DNMT1: variants seen among roughly 807,000 people sequenced by gnomAD.
DNMT1 encodes the protein DNA (cytosine-5)-methyltransferase 1.
DNMT1 carries 24 observed loss-of-function variants against 205.3 expected under a neutral mutation model. That is an observed-to-expected ratio of 0.12 (90% CI 0.08 to 0.16). DNMT1 has a LOEUF of 0.16. Among genes scored for constraint, DNMT1 ranks in the 10% least tolerant of loss-of-function variants. The pLI is 1.00. For missense variants in DNMT1, 1,293 were observed against 2,177.7 expected (o/e 0.59, Z 8.09); for synonymous variants, 817 against 839.8 (o/e 0.97, Z 0.47).
At chr19:10,155,510 G>T (rs965359115) in intron 19 of DNMT1, among the ~76,000 whole-genome samples, 3 of 152,028 alleles carry the variant, frequency 2.0e-5, no homozygotes, top group African/African-American at 4.8e-5. Context: ...GCTAATTTTT[G>T]TATTTTTGGT....
intron 13 of DNMT1, among the ~76,000 whole-genome samples, chr19:10,160,731 C>G (rs531826892): frequency 6.6e-6 from 1 of 151,906 alleles, no homozygotes; most frequent in Non-Finnish European, 1.5e-5. Context: ...CACGTCTCTA[C>G]CAAAAATACA....
chr19:10,137,818 C>A lies in DNMT1; in HGVS notation c.4293+14G>T, dbSNP rs745507446. The A allele has an allele frequency of 2.5e-6, 4 of 1,611,704 alleles. No individual in the cohort carries two copies. In the Admixed American group the frequency reaches 6.7e-5, roughly 27 times the overall value. On this transcript the variant is annotated intron_variant, in intron 36 of 40. Coordinates refer to ENST00000359526, the MANE Select transcript of DNMT1 (RefSeq NM_001130823.3). This position sits in a 1 kb window ranked among gnomAD's most constrained non-coding sequence, Gnocchi z 6.4. ...GGGCCTCGAGGAGGAGCCGCTCTGTCAGGGTGCCATTACCTTACAGATGTG... is the reference window on the plus strand; with the variant it reads ...GGGCCTCGAGGAGGAGCCGCTCTGTAAGGGTGCCATTACCTTACAGATGTG...
chr19:10,175,690 T>C lies in DNMT1; in HGVS notation c.570-72A>G, dbSNP rs902458898. 4 of 1,412,810 alleles carry C rather than the reference T, an allele frequency of 2.8e-6. No homozygotes were observed. The African/African-American group carries it at 5.6e-5, about 20-fold the overall frequency. The allele number at this position is 1,412,810 out of a possible 1,614,324, so 87.5% of individuals were successfully genotyped here. A position where few individuals can be genotyped will look rare whatever the true frequency, so the allele number is the denominator to read the frequency against. On this transcript the variant is annotated intron_variant, in intron 6 of 40. Transcript: ENST00000359526. ...CCTCCAGCTGGCCTGAAGTGGACCC[T>C]CATTCACCAGGATGTTGAAAGAGGC...
At chr19:10,192,199 T>C (rs914636197) in intron 1 of DNMT1, among the ~76,000 whole-genome samples, 1 of 151,840 alleles carries the variant, frequency 6.6e-6, no homozygotes, top group African/African-American at 2.4e-5. Context: ...GGCAGGAGGA[T>C]TGCTTGAGCT....
rs1056687960 is a variant in DNMT1 at position 10,142,668 on chromosome 19, C to A, written c.3117-448G>T. Among the ~76,000 whole-genome samples the A allele has an allele frequency of 2.7e-5, 4 of 150,784 alleles. No individual in the cohort carries two copies. In the East Asian group the frequency reaches 7.8e-4, roughly 30 times the overall value. On this transcript the variant is annotated intron_variant, in intron 29 of 40. Transcript: ENST00000359526. ...GGTAAAGACCCCCCAGTTATGGAACCGCAGGGTAAAGACCTCCCCAGTTAG... is the reference window on the plus strand; with the variant it reads ...GGTAAAGACCCCCCAGTTATGGAACAGCAGGGTAAAGACCTCCCCAGTTAG...
chr19:10,173,439 C>T (rs2038866799), intron 8 of DNMT1, among the ~76,000 whole-genome samples: 4 of 151,754 alleles, frequency 2.6e-5, no homozygotes, highest in Admixed American at 2.0e-4. Flanking sequence ...AATTCAGATA[C>T]TTCATAACGA....
At chr19:10,178,648 G>A (rs2038981253) in intron 5 of DNMT1, 1 of 152,598 alleles carries the variant, frequency 6.6e-6, no homozygotes, top group Non-Finnish European at 1.5e-5. Context: ...CAGCTACTTG[G>A]GAGGCTGAGG....
Position 10,194,952 on chromosome 19 carries a change from G to A in DNMT1, c.-53C>T, listed in dbSNP as rs2039379744. 1.3e-6 allele frequency: 2 copies of A among 1,560,308 alleles called. No homozygotes were observed. Among genetic ancestry groups the A allele is most frequent in the Admixed American group, 1.9e-5 (1 of 52,546 alleles). On this transcript the variant is annotated 5_prime_UTR_variant, in exon 1 of 41. Transcript: ENST00000359526. ...GGCAGCGCAGGCGCCCCGGCTTTTC[G>A]CGCGGAAACCGATGGGGAGGGGCGA...
At chr19:10,169,656 C>T (rs1429564218) in intron 9 of DNMT1, among the ~76,000 whole-genome samples, 1 of 152,068 alleles carries the variant, frequency 6.6e-6, no homozygotes, top group African/African-American at 2.4e-5. Flanking sequence ...GTCCCAGTTA[C>T]TCGGGAGGCT....
At position 10,146,725 on chromosome 19, in the gene DNMT1, T is replaced by C. The variant is rs1356310688; in HGVS notation, c.2721-201A>G. ...TTGAGACCAAAGCCCAGAGAGAACA[T>C]AGCAAGAAAATCAGGCAACTTTTGA... is the stretch of plus-strand genomic sequence containing the variant. On this transcript the variant is annotated intron_variant, in intron 27 of 40. Transcript: ENST00000359526. The surrounding 1 kb of genome is among the most constrained non-coding windows in gnomAD (Gnocchi z 4.4). 2.0e-5 allele frequency among the ~76,000 whole-genome samples: 3 copies of C among 152,254 alleles called. No individual in the cohort carries two copies. Among genetic ancestry groups the C allele is most frequent in the African/African-American group, 7.2e-5 (3 of 41,558 alleles).
intron 1 of DNMT1, among the ~76,000 whole-genome samples, chr19:10,191,456 T>C (rs538895092): frequency 4.0e-5 from 6 of 151,372 alleles, no homozygotes; most frequent in Non-Finnish European, 7.4e-5. Flanking sequence ...AAAACTCCAA[T>C]GCCTACAGTG....
Position 10,146,111 on chromosome 19 carries a change from G to A in DNMT1, c.2894+240C>T, listed in dbSNP as rs574366294. 1.0e-3 allele frequency among the ~76,000 whole-genome samples: 154 copies of A among 152,242 alleles called. 1 individual carries two copies. The highest frequency in any genetic ancestry group is 2.6e-3 in the Admixed American group (40 of 15,280). On this transcript the variant is annotated intron_variant, in intron 28 of 40. Coordinates refer to ENST00000359526, the MANE Select transcript of DNMT1 (RefSeq NM_001130823.3). The surrounding 1 kb of genome is among the most constrained non-coding windows in gnomAD (Gnocchi z 4.4). The stretch of plus-strand genomic sequence containing the variant: ...CTCCCAAAGCGCTGGGATTACAGGC[G>A]TGAGAAACCACACCCAGCCAAACCA...
Position 10,159,732 on chromosome 19 carries a change from C to G in DNMT1, c.1206G>C (p.Leu402=), listed in dbSNP as rs147235870. 453 of 1,614,232 alleles carry G rather than the reference C, an allele frequency of 2.8e-4. 2 individuals are homozygous for G. The African/African-American group carries it at 5.6e-3, about 20-fold the overall frequency. Residue 402 remains leucine, a synonymous_variant, in exon 17 of 41, where the codon CTG becomes CTC. Transcript: ENST00000359526. This position sits in a 1 kb window ranked among gnomAD's most constrained non-coding sequence, Gnocchi z 5.0. The stretch of plus-strand genomic sequence containing the variant: ...CAGACTCGTTGGCATCAAAGATGGA[C>G]AGCTTCTCATTTGTCAGCATCTGTG... ...DEPQMLTNEK[L]SIFDANESGF... is the part of the protein sequence containing the mutation.
chr19:10,171,045 C>T (rs1170898507), intron 9 of DNMT1, among the ~76,000 whole-genome samples: 3 of 151,980 alleles, frequency 2.0e-5, no homozygotes, highest in Admixed American at 6.6e-5. Flanking sequence ...TGAGCTCAAG[C>T]GATCCACCCA....
In DNMT1 at chr19:10,137,393, G is replaced by A. The variant is rs915636148; in HGVS notation, c.4294-113C>T. On this transcript the variant is annotated intron_variant, in intron 36 of 40. Coordinates refer to ENST00000359526, the MANE Select transcript of DNMT1 (RefSeq NM_001130823.3). This position sits in a 1 kb window ranked among gnomAD's most constrained non-coding sequence, Gnocchi z 6.4. ...GACCAGGAAGCCCCCTGGGGCTCAC[G>A]CCCATCGGGAAAGAGACAGTCAGGG... The A allele has an allele frequency of 1.4e-5, 19 of 1,325,148 alleles. No individual in the cohort carries two copies. Among genetic ancestry groups the A allele is most frequent in the Admixed American group, 6.2e-5 (3 of 48,096 alleles). 82.1% of individuals were successfully genotyped at this position (1,325,148 alleles called of 1,614,324 possible). A position where few individuals can be genotyped will look rare whatever the true frequency, so the allele number is the denominator to read the frequency against.
intron 7 of DNMT1, 128 bp downstream of exon 7, chr19:10,175,411 TC>T (rs2038920551): frequency 1.0e-6 from 1 of 976,968 alleles, no homozygotes; most frequent in East Asian, 2.5e-5. Flanking sequence ...ATTGGTCCTG[TC>T]TCTCTGGAGA....
In DNMT1 at chr19:10,146,328, G is replaced by A. The variant is rs1294132581; in HGVS notation, c.2894+23C>T. On this transcript the variant is annotated intron_variant, in intron 28 of 40. Transcript: ENST00000359526. This position sits in a 1 kb window ranked among gnomAD's most constrained non-coding sequence, Gnocchi z 4.4. ...GCTCAGCCTGGAGCGCCCTGGCCCC[G>A]GCTGCTCCGAGGGGGCACTTACTTG... is the stretch of plus-strand genomic sequence containing the variant. The A allele has an allele frequency of 9.3e-6, 15 of 1,613,226 alleles. No homozygotes were observed. The highest frequency in any genetic ancestry group is 1.7e-4 in the Middle Eastern group (1 of 5,930).
Position 10,137,893 on chromosome 19 carries a change from C to A in DNMT1, c.4232G>T (p.Trp1411Leu). Reference protein sequence around the residue: ...EISYNGEPQSWFQRQLRGAQY... With the variant: ...EISYNGEPQSLFQRQLRGAQY... Reference sequence around the variant, plus strand: ...TGCGCCCCGGAGCTGCCTCTGGAACCAGGACTGAGGCTCCCCGTTGTAGGA... The same window carrying A: ...TGCGCCCCGGAGCTGCCTCTGGAACAAGGACTGAGGCTCCCCGTTGTAGGA... The change falls in exon 36 of 41, where the codon TGG (tryptophan) becomes TTG (leucine). Residue 1411 changes from tryptophan (W) to leucine (L), a missense_variant. By Grantham distance (61) the Trp-to-Leu change is moderately conservative. Around this residue, in one of 13 missense-constraint regions of DNMT1, gnomAD observed 148 missense variants for 256.1 expected, o/e 0.58. Transcript: ENST00000359526. This position sits in a 1 kb window ranked among gnomAD's most constrained non-coding sequence, Gnocchi z 6.4. 2.5e-6 allele frequency: 4 copies of A among 1,613,586 alleles called. No individual in the cohort carries two copies. The highest frequency in any genetic ancestry group is 3.4e-6 in the Non-Finnish European group (4 of 1,179,920).
At chr19:10,136,943 A>T in intron 37 of DNMT1, 142 bp downstream of exon 37, 3 of 1,169,998 alleles carry the variant, frequency 2.6e-6, no homozygotes, top group South Asian at 1.3e-5. Context: ...ACTACTCAAC[A>T]TGGTCAGCAG....
Sources: allele counts gnomAD v4.1 joint callset (sites outside exome capture counted in the v4.1 genomes callset), GRCh38; gene constraint gnomAD v4.1.1; regional missense constraint gnomAD v4.1.1; non-coding constraint Gnocchi (gnomAD v3.1); transcripts MANE v1.5; gene names NCBI Gene and HGNC (gene_info 2026-07-23, HGNC 2026-07-21).